FSTL4: variants seen among roughly 807,000 people sequenced by gnomAD.
FSTL4 encodes follistatin like 4.
FSTL4 carries 28 observed loss-of-function variants against 78.2 expected under a neutral mutation model. That is an observed-to-expected ratio of 0.36 (90% CI 0.27 to 0.49). The LOEUF is 0.49. Among genes scored for constraint, FSTL4 ranks in the 20% least tolerant of loss-of-function variants. The pLI is 0.98. For missense variants in FSTL4, 922 were observed against 1,084.9 expected (o/e 0.85, Z 2.11); for synonymous variants, 422 against 440.5 (o/e 0.96, Z 0.53).
the FSTL4 span, among the ~76,000 whole-genome samples, chr5:133,728,028 G>A: frequency 6.6e-6 from 1 of 152,216 alleles, no homozygotes; most frequent in South Asian, 2.1e-4. Flanking sequence ...GTGAAAAGGG[G>A]CCAAGATGAC....
At chr5:133,745,147 C>T in the FSTL4 span, among the ~76,000 whole-genome samples, 16 of 152,238 alleles carry the variant, frequency 1.1e-4, no homozygotes, top group African/African-American at 2.9e-4. Flanking sequence ...ACTGCTAGCC[C>T]ATCCTGCCAT....
At chr5:133,632,019 G>A in the FSTL4 span, among the ~76,000 whole-genome samples, 2 of 152,042 alleles carry the variant, frequency 1.3e-5, no homozygotes, top group African/African-American at 4.8e-5. Flanking sequence ...TTAGGGGAGG[G>A]ATACCATTAG....
chr5:133,444,470 C>T lies in FSTL4; in HGVS notation c.161-43484G>A, dbSNP rs118005437. On this transcript the variant is annotated intron_variant, in intron 3 of 15. Coordinates refer to ENST00000265342, the MANE Select transcript of FSTL4 (RefSeq NM_015082.2). Reference sequence around the variant, plus strand: ...CTCTCTTGCCCAGACATGTTGTGCTCAGACTCAGTTAACTCTGTTCCATGC... The same window carrying T: ...CTCTCTTGCCCAGACATGTTGTGCTTAGACTCAGTTAACTCTGTTCCATGC... 1.3e-3 allele frequency among the ~76,000 whole-genome samples: 193 copies of T among 152,346 alleles called. 2 individuals carry two copies. In the East Asian group the frequency reaches 0.03, roughly 23 times the overall value.
chr5:133,519,639 A>G (rs1758935037), intron 3 of FSTL4, among the ~76,000 whole-genome samples: 1 of 152,226 alleles, frequency 6.6e-6, no homozygotes, highest in Non-Finnish European at 1.5e-5. Context: ...TTTTCATGCA[A>G]TAACTACCTG....
chr5:133,219,596 T>C (rs557682832), intron 12 of FSTL4, among the ~76,000 whole-genome samples: 5 of 152,338 alleles, frequency 3.3e-5, no homozygotes, highest in South Asian at 2.1e-4. Context: ...GCTTGTCCCA[T>C]TGTAATTCTC....
intron 1 of FSTL4, among the ~76,000 whole-genome samples, chr5:133,608,771 T>C (rs575066212): frequency 6.6e-6 from 1 of 152,232 alleles, no homozygotes; most frequent in Non-Finnish European, 1.5e-5. Flanking sequence ...ACATTCCAAA[T>C]ACTGACTTGC....
At chr5:133,457,554 C>G (rs1020539662) in intron 3 of FSTL4, among the ~76,000 whole-genome samples, 3 of 152,230 alleles carry the variant, frequency 2.0e-5, no homozygotes, top group Non-Finnish European at 4.4e-5. Context: ...TGCTGTGAAG[C>G]CCTGAAGGGA....
At chr5:133,599,850 G>A (rs1760819847) in intron 2 of FSTL4, among the ~76,000 whole-genome samples, 1 of 151,882 alleles carries the variant, frequency 6.6e-6, no homozygotes, top group Non-Finnish European at 1.5e-5. Flanking sequence ...GCAAAAGTGG[G>A]GGGGCGGCCA....
chr5:133,706,093 G>A, the FSTL4 span, among the ~76,000 whole-genome samples: 3 of 152,206 alleles, frequency 2.0e-5, no homozygotes, highest in African/African-American at 7.2e-5. Context: ...TAGGAAGGAG[G>A]TGAGCACAGA....
At chr5:133,371,088 C>A (rs968879425) in intron 4 of FSTL4, among the ~76,000 whole-genome samples, 1 of 152,220 alleles carries the variant, frequency 6.6e-6, no homozygotes, top group Non-Finnish European at 1.5e-5. Context: ...GCAATGCTGG[C>A]AAGCAGGGCC....
chr5:133,578,769 T>C (rs1200675391), intron 2 of FSTL4, among the ~76,000 whole-genome samples: 1 of 152,202 alleles, frequency 6.6e-6, no homozygotes. Context: ...TGAGTAAACA[T>C]TCAGTTACAT....
chr5:133,524,169 C>T (rs560903401), intron 3 of FSTL4, among the ~76,000 whole-genome samples: 2 of 152,190 alleles, frequency 1.3e-5, no homozygotes, highest in Non-Finnish European at 2.9e-5. Flanking sequence ...GACAGGTCAG[C>T]GTGTCTGGAG....
intron 3 of FSTL4, among the ~76,000 whole-genome samples, chr5:133,448,417 C>T (rs25870): frequency 0.72 from 109,130 of 152,152 alleles, 39,446 homozygotes; most frequent in African/African-American, 0.78. Context: ...GGTGTGTGGA[C>T]GGCTCTTTGT....
Position 133,225,874 on chromosome 5 carries a change from G to A in FSTL4, c.1016-55C>T. ...AGAGACGGCCCTGACCTGGACTTGG[G>A]CCTGTGGCCCAACCTGAGACCCTGC... is the stretch of plus-strand genomic sequence containing the variant. On this transcript the variant is annotated intron_variant, in intron 8 of 15. Coordinates refer to ENST00000265342, the MANE Select transcript of FSTL4 (RefSeq NM_015082.2). The surrounding 1 kb of genome is among the most constrained non-coding windows in gnomAD (Gnocchi z 4.6). The A allele has an allele frequency of 7.1e-7, 1 of 1,411,102 alleles. No individual in the cohort carries two copies. Among genetic ancestry groups the A allele is most frequent in the Non-Finnish European group, 9.3e-7 (1 of 1,070,930 alleles). 87.4% of individuals were successfully genotyped at this position (1,411,102 alleles called of 1,614,324 possible). A position where few individuals can be genotyped will look rare whatever the true frequency, so the allele number is the denominator to read the frequency against.
intron 13 of FSTL4, among the ~76,000 whole-genome samples, chr5:133,213,768 T>C (rs1430856506): frequency 6.6e-6 from 1 of 152,190 alleles, no homozygotes; most frequent in Non-Finnish European, 1.5e-5. Flanking sequence ...ATATAATTAA[T>C]TATGTTAAAC....
chr5:133,296,983 G>A (rs895965627), intron 6 of FSTL4, among the ~76,000 whole-genome samples: 5 of 152,184 alleles, frequency 3.3e-5, no homozygotes, highest in Non-Finnish European at 7.3e-5. Flanking sequence ...AGGTTCTGAG[G>A]GGGCACCTCT....
At chr5:133,731,814 G>A in the FSTL4 span, among the ~76,000 whole-genome samples, 1 of 152,166 alleles carries the variant, frequency 6.6e-6, no homozygotes, top group Admixed American at 6.5e-5. Flanking sequence ...TGGGGTGCTG[G>A]CAGCTTTCCT....
the FSTL4 span, among the ~76,000 whole-genome samples, chr5:133,619,216 C>T: frequency 5.3e-5 from 8 of 152,018 alleles, no homozygotes; most frequent in Non-Finnish European, 8.8e-5. Context: ...GTATAAGACA[C>T]CCCTAGACCC....
At chr5:133,329,924 C>T (rs1580622557) in intron 4 of FSTL4, among the ~76,000 whole-genome samples, 2 of 152,168 alleles carry the variant, frequency 1.3e-5, no homozygotes, top group East Asian at 1.9e-4. Context: ...ACCCCCTTTG[C>T]CCCGGGTTTG....
Sources: allele counts gnomAD v4.1 joint callset (sites outside exome capture counted in the v4.1 genomes callset), GRCh38; gene constraint gnomAD v4.1.1; non-coding constraint Gnocchi (gnomAD v3.1); transcripts MANE v1.5; gene names NCBI Gene and HGNC (gene_info 2026-07-23, HGNC 2026-07-21).